Variants in MAP3K4 observed in about 807,000 individuals in gnomAD.
MAP3K4 encodes MAP three kinase 1.
In MAP3K4, 67 loss-of-function variants were observed where a neutral mutation model predicts 185.6. That is an observed-to-expected ratio of 0.36 (90% CI 0.30 to 0.44). MAP3K4 has a LOEUF of 0.44. Among genes scored for constraint, MAP3K4 ranks in the 20% least tolerant of loss-of-function variants. MAP3K4 has a pLI of 1.00. For missense variants in MAP3K4, 1,551 were observed against 1,995.1 expected, an observed-to-expected ratio of 0.78 and a Z score of 4.24; for synonymous variants, 702 against 710.4, an observed-to-expected ratio of 0.99 and a Z score of 0.19.
chr6:161,025,539 T>A (rs1385953420), intron 1 of MAP3K4, among the ~76,000 whole-genome samples: 2 of 152,212 alleles, frequency 1.3e-5, no homozygotes, highest in African/African-American at 4.8e-5. Context: ...ATATTTACAG[T>A]TAACTAATTT....
chr6:161,082,857 C>T lies in MAP3K4; in HGVS notation c.2256-1644C>T, dbSNP rs1367094312. Among the ~76,000 whole-genome samples the T allele has an allele frequency of 1.3e-5, 2 of 152,192 alleles. No individual in the cohort carries two copies. Among genetic ancestry groups the T allele is most frequent in the Admixed American group, 6.5e-5 (1 of 15,284 alleles). On this transcript the variant is annotated intron_variant, in intron 6 of 26. Coordinates refer to ENST00000392142, the MANE Select transcript of MAP3K4 (RefSeq NM_005922.4). The surrounding 1 kb of genome is among the most constrained non-coding windows in gnomAD (Gnocchi z 4.2). ...GAAGCCTCCTAGAGTTTATTCTCAA[C>T]ACCACAGCCTGAATGGTCTGGTTAA...
chr6:161,035,185 C>T (rs1283240615), intron 2 of MAP3K4, among the ~76,000 whole-genome samples: 1 of 152,156 alleles, frequency 6.6e-6, no homozygotes. Context: ...ACCTGTTAAT[C>T]TCAGCAAACC....
chr6:160,993,839 T>A (rs115945921), intron 1 of MAP3K4, among the ~76,000 whole-genome samples: 1,218 of 108,788 alleles, frequency 0.011, 25 homozygotes, highest in African/African-American at 0.04. Flanking sequence ...AACAGCAGTG[T>A]ACGGAACAAG....
At chr6:161,011,473 AC>A (rs1781840743) in intron 1 of MAP3K4, among the ~76,000 whole-genome samples, 1 of 152,154 alleles carries the variant, frequency 6.6e-6, no homozygotes, top group Non-Finnish European at 1.5e-5. Context: ...TTCTTCACAC[AC>A]TTAATTTTAG....
chr6:160,991,822 G>A lies in MAP3K4; in HGVS notation c.-110G>A, dbSNP rs971326859. 9 of 1,230,782 alleles carry A rather than the reference G, an allele frequency of 7.3e-6. No homozygotes were observed. The Admixed American group carries it at 1.2e-4, about 17-fold the overall frequency. The allele number at this position is 1,230,782 out of a possible 1,614,324, so 76.2% of individuals were successfully genotyped here. Reference sequence around the variant, plus strand: ...CCGCGGCGCGCACGGCTCCTGCGGCGGGGTAGAGGCGGAGGCGGAGTCGAG... The same window carrying A: ...CCGCGGCGCGCACGGCTCCTGCGGCAGGGTAGAGGCGGAGGCGGAGTCGAG... On this transcript the variant is annotated 5_prime_UTR_variant, in exon 1 of 27. Transcript: ENST00000392142. The surrounding 1 kb of genome is among the most constrained non-coding windows in gnomAD (Gnocchi z 5.7).
intron 1 of MAP3K4, among the ~76,000 whole-genome samples, chr6:161,026,166 T>C (rs1782640508): frequency 6.6e-6 from 1 of 151,986 alleles, no homozygotes; most frequent in East Asian, 1.9e-4. Context: ...AGTCTTGCTC[T>C]GTGGCCCAGG....
rs1423035608 is a variant in MAP3K4 at position 161,108,975 on chromosome 6, C to T, written c.4236+116C>T. On this transcript the variant is annotated intron_variant, in intron 22 of 26. Transcript: ENST00000392142. The surrounding 1 kb of genome is among the most constrained non-coding windows in gnomAD (Gnocchi z 5.7). ...GAGCACAGTAACTTTGCCTAATTCT[C>T]AGGAAATCTCCATGAGTTACATCAT... 5.6e-6 allele frequency: 9 copies of T among 1,608,816 alleles called. No individual in the cohort carries two copies. The South Asian group carries it at 1.0e-4, about 18-fold the overall frequency.
intron 1 of MAP3K4, among the ~76,000 whole-genome samples, chr6:160,993,025 ATAAGGCAG>A (rs1190233075): frequency 6.6e-6 from 1 of 152,198 alleles, no homozygotes; most frequent in East Asian, 1.9e-4. Context: ...GGTTCTAGGA[ATAAGGCAG>A]TAAAGTGTCC....
intron 25 of MAP3K4, among the ~76,000 whole-genome samples, chr6:161,113,597 T>C (rs149257079): frequency 1.3e-5 from 2 of 152,030 alleles, no homozygotes; most frequent in South Asian, 4.2e-4. Context: ...CTACACATAG[T>C]AGAGGAAACT....
At chr6:161,055,978 C>A (rs762978690) in intron 3 of MAP3K4, among the ~76,000 whole-genome samples, 1 of 152,138 alleles carries the variant, frequency 6.6e-6, no homozygotes, top group Admixed American at 6.5e-5. Flanking sequence ...TGCTTCTTCT[C>A]ATTTATTTGG....
Position 161,084,720 on chromosome 6 carries a change from C to A in MAP3K4, c.2372+103C>A. 1.6e-6 allele frequency: 1 copy of A among 627,888 alleles called. No homozygotes were observed. Among genetic ancestry groups the A allele is most frequent in the Non-Finnish European group, 2.9e-6 (1 of 345,600 alleles). The allele number at this position is 627,888 out of a possible 1,614,324, so 38.9% of individuals were successfully genotyped here. A position where few individuals can be genotyped will look rare whatever the true frequency, so the allele number is the denominator to read the frequency against. On this transcript the variant is annotated intron_variant, in intron 7 of 26. Coordinates refer to ENST00000392142, the MANE Select transcript of MAP3K4 (RefSeq NM_005922.4). This position sits in a 1 kb window ranked among gnomAD's most constrained non-coding sequence, Gnocchi z 4.6. Reference sequence around the variant, plus strand: ...CTTGTTCAAACCAAATTGTGTTGGCCTGGAAGAATTTGGGCAGTAGATGTA... The same window carrying A: ...CTTGTTCAAACCAAATTGTGTTGGCATGGAAGAATTTGGGCAGTAGATGTA...
chr6:161,067,591 G>A lies in MAP3K4; in HGVS notation c.1708-3017G>A, dbSNP rs369680185. Among the ~76,000 whole-genome samples, 7 of 151,706 alleles carry A rather than the reference G, an allele frequency of 4.6e-5. No individual in the cohort carries two copies. Among genetic ancestry groups the A allele is most frequent in the African/African-American group, 1.7e-4 (7 of 41,380 alleles). On this transcript the variant is annotated intron_variant, in intron 3 of 26. Transcript: ENST00000392142. The surrounding 1 kb of genome is among the most constrained non-coding windows in gnomAD (Gnocchi z 6.3). The stretch of plus-strand genomic sequence containing the variant: ...CAAAAGTATGTATTAAATGTAGAAG[G>A]ATAAATTAATCTTGTTTTCCTTAGT...
intron 1 of MAP3K4, among the ~76,000 whole-genome samples, chr6:161,001,781 A>G (rs926553084): frequency 2.0e-4 from 31 of 152,180 alleles, no homozygotes; most frequent in African/African-American, 6.8e-4. Flanking sequence ...CCGCATTTGA[A>G]AGGCAAAAAT....
intron 11 of MAP3K4, among the ~76,000 whole-genome samples, chr6:161,090,651 A>G (rs1174649254): frequency 2.4e-5 from 1 of 40,880 alleles, no homozygotes; most frequent in African/African-American, 5.5e-5. Context: ...GAGCCAGGGC[A>G]GGGCTTCTCA....
At chr6:161,033,152 A>G (rs1783008546) in intron 1 of MAP3K4, among the ~76,000 whole-genome samples, 1 of 152,180 alleles carries the variant, frequency 6.6e-6, no homozygotes, top group Non-Finnish European at 1.5e-5. Flanking sequence ...TTATATCAAG[A>G]TATGAATTGC....
rs745404498 is a variant in MAP3K4 at position 161,093,044 on chromosome 6, AGATGACTTCTTGGTATG to A, written c.3340_3348+8del. 6.2e-7 allele frequency: 1 copy of A among 1,612,378 alleles called. No homozygotes were observed. The highest frequency in any genetic ancestry group is 1.7e-5 in the Admixed American group (1 of 59,982). On this transcript the variant is annotated splice_donor_variant and splice_donor_5th_base_variant and coding_sequence_variant and intron_variant, in exon 14 of 27. Coordinates refer to ENST00000392142, the MANE Select transcript of MAP3K4 (RefSeq NM_005922.4). LOFTEE classifies it high-confidence loss of function. The surrounding 1 kb of genome is among the most constrained non-coding windows in gnomAD (Gnocchi z 5.2). ...CTGCCTTTATTTCAGCTTTACCAGAAGATGACTTCTTGGTATGGATTATTCTAAAGTTTTTTTCATTA... is the reference window on the plus strand; with the variant it reads ...CTGCCTTTATTTCAGCTTTACCAGAAGATTATTCTAAAGTTTTTTTCATTA...
chr6:160,998,473 C>T (rs1178887833), intron 1 of MAP3K4, among the ~76,000 whole-genome samples: 1 of 152,096 alleles, frequency 6.6e-6, no homozygotes, highest in South Asian at 2.1e-4. Context: ...TGAATTGTTA[C>T]TAAAATTGAA....
rs892152539 is a variant in MAP3K4 at position 161,107,669 on chromosome 6, C to G, written c.4049-230C>G. 6.6e-6 allele frequency among the ~76,000 whole-genome samples: 1 copy of G among 152,152 alleles called. No individual in the cohort carries two copies. The highest frequency in any genetic ancestry group is 1.5e-5 in the Non-Finnish European group (1 of 68,046). On this transcript the variant is annotated intron_variant, in intron 20 of 26. Coordinates refer to ENST00000392142, the MANE Select transcript of MAP3K4 (RefSeq NM_005922.4). This position sits in a 1 kb window ranked among gnomAD's most constrained non-coding sequence, Gnocchi z 6.2. ...GGAATTTACCAAAGTCGGTTCTGCT[C>G]TATTTAAAGATACTTGTAGGTAAGA... is the stretch of plus-strand genomic sequence containing the variant.
chr6:161,068,617 G>T (rs1445331019), intron 3 of MAP3K4, among the ~76,000 whole-genome samples: 4 of 152,204 alleles, frequency 2.6e-5, no homozygotes, highest in Non-Finnish European at 5.9e-5. Context: ...GTTATTGAGA[G>T]GTCAGTGGAT....
Sources: gnomAD v4.1 joint callset for allele counts (sites outside exome capture counted in the v4.1 genomes callset) on GRCh38, gnomAD v4.1.1 for gene constraint, Gnocchi (gnomAD v3.1) non-coding constraint, MANE v1.5 for transcripts, NCBI Gene and HGNC (gene_info 2026-07-23, HGNC 2026-07-21) for gene names.